Variants in PTK7 observed in about 807,000 individuals in gnomAD.
PTK7 encodes protein tyrosine kinase 7 (inactive), also known as inactive tyrosine-protein kinase 7.
In PTK7, 39 loss-of-function variants were observed where a neutral mutation model predicts 116.6. That is an observed-to-expected ratio of 0.33 (90% CI 0.26 to 0.44). The LOEUF is 0.44. Among genes scored for constraint, PTK7 ranks in the 20% least tolerant of loss-of-function variants. PTK7 has a pLI of 1.00. For missense variants in PTK7, 1,169 were observed against 1,425.6 expected, an observed-to-expected ratio of 0.82 and a Z score of 2.90; for synonymous variants, 546 against 563.6, an observed-to-expected ratio of 0.97 and a Z score of 0.44.
chr6:43,093,425 G>A (rs951861421), intron 1 of PTK7, among the ~76,000 whole-genome samples: 1 of 152,070 alleles, frequency 6.6e-6, no homozygotes, highest in Non-Finnish European at 1.5e-5. Flanking sequence ...TGGATTGCTG[G>A]TAGGTGAATC....
chr6:43,123,823 C>G (rs1451093928), intron 1 of PTK7, among the ~76,000 whole-genome samples: 1 of 152,136 alleles, frequency 6.6e-6, no homozygotes, highest in African/African-American at 2.4e-5. Context: ...AGGCTCATAC[C>G]GGGGAAGCAG....
chr6:43,148,824 G>A (rs1770876341), intron 17 of PTK7, among the ~76,000 whole-genome samples: 2 of 152,006 alleles, frequency 1.3e-5, no homozygotes, highest in South Asian at 4.2e-4. Context: ...ACTTTGGGAG[G>A]CCGAGGCGGG....
At chr6:43,088,395 A>G (rs7740549) in intron 1 of PTK7, among the ~76,000 whole-genome samples, 1,713 of 151,900 alleles carry the variant, frequency 0.011, 37 homozygotes, top group African/African-American at 0.039. Flanking sequence ...TTACTGTGCT[A>G]TGATATGCTG....
chr6:43,152,130 G>T (rs1771149541), intron 17 of PTK7, among the ~76,000 whole-genome samples: 1 of 151,756 alleles, frequency 6.6e-6, no homozygotes, highest in South Asian at 2.1e-4. Flanking sequence ...GCTCAAAGAC[G>T]TGAGCCACTG....
intron 1 of PTK7, among the ~76,000 whole-genome samples, chr6:43,119,376 C>T (rs914928423): frequency 1.3e-5 from 2 of 152,162 alleles, no homozygotes; most frequent in Non-Finnish European, 2.9e-5. Flanking sequence ...ACAACCAGTC[C>T]AAGGTAGTGG....
chr6:43,157,370 T>A lies in PTK7; in HGVS notation c.2722-1447T>A, dbSNP rs1160248213. On this transcript the variant is annotated intron_variant, in intron 17 of 19. Transcript: ENST00000230419. The stretch of plus-strand genomic sequence containing the variant: ...TATATATATATATATATATATTTTT[T>A]TTTTTCTTTTTTTTTTTTTTTTTTT... Among the ~76,000 whole-genome samples, 258 of 66,600 alleles carry A rather than the reference T, an allele frequency of 3.9e-3. 7 individuals are homozygous for A. The highest frequency in any genetic ancestry group is 0.013 in the African/African-American group (206 of 16,110). The allele number at this position is 66,600 out of a possible 152,430, so 43.7% of individuals were successfully genotyped here. A position where few individuals can be genotyped will look rare whatever the true frequency, so the allele number is the denominator to read the frequency against.
chr6:43,116,863 G>A (rs1768581169), intron 1 of PTK7, among the ~76,000 whole-genome samples: 4 of 152,126 alleles, frequency 2.6e-5, no homozygotes, highest in East Asian at 1.9e-4. Flanking sequence ...TCGCTGTATC[G>A]CCCAGGCTGG....
intron 1 of PTK7, among the ~76,000 whole-genome samples, chr6:43,127,078 C>T (rs1249349030): frequency 1.3e-5 from 2 of 152,194 alleles, no homozygotes; most frequent in African/African-American, 4.8e-5. Context: ...ATTCTCATGC[C>T]ATAAAGAACA....
At position 43,116,182 on chromosome 6, in the gene PTK7, C is replaced by T. The variant is rs1582124305; in HGVS notation, c.80-12795C>T. On this transcript the variant is annotated intron_variant, in intron 1 of 19. Coordinates refer to ENST00000230419, the MANE Select transcript of PTK7 (RefSeq NM_002821.5). ...CCTCCCCAGAAAGAAGGGTTGGTTT[C>T]CAGAAACAGCTGCTGCCTAGATAGG... is the stretch of plus-strand genomic sequence containing the variant. Among the ~76,000 whole-genome samples the T allele has an allele frequency of 1.3e-5, 2 of 152,104 alleles. 1 individual carries two copies. Among genetic ancestry groups the T allele is most frequent in the South Asian group, 4.1e-4 (2 of 4,832 alleles).
At chr6:43,125,062 G>T (rs1227904535) in intron 1 of PTK7, among the ~76,000 whole-genome samples, 1 of 152,144 alleles carries the variant, frequency 6.6e-6, no homozygotes, top group East Asian at 1.9e-4. Flanking sequence ...ATTCCAGCTA[G>T]TTGGGAGGCT....
chr6:43,146,695 G>A lies in PTK7; in HGVS notation c.2718G>A (p.Gln906=), dbSNP rs754815616. 14 of 1,612,480 alleles carry A rather than the reference G, an allele frequency of 8.7e-6. No homozygotes were observed. The highest frequency in any genetic ancestry group is 1.2e-5 in the Non-Finnish European group (14 of 1,179,772). The part of the protein sequence containing the change: ...KLKSQPLSTK[Q]KVALCTQVAL... ...AGTCACAGCCCCTCAGCACCAAGCA[G>A]AAGGTGAGGACAGGGAGTGAAGGAG... The change falls in exon 17 of 20, where the codon CAG becomes CAA. Residue 906 remains glutamine (Q), a synonymous_variant. Coordinates refer to ENST00000230419, the MANE Select transcript of PTK7 (RefSeq NM_002821.5).
rs765134991 is a variant in PTK7 at position 43,129,291 on chromosome 6, T to TC, written c.367+32dup. On this transcript the variant is annotated intron_variant, in intron 2 of 19. Coordinates refer to ENST00000230419, the MANE Select transcript of PTK7 (RefSeq NM_002821.5). The surrounding 1 kb of genome is among the most constrained non-coding windows in gnomAD (Gnocchi z 4.5). ...TGAGAGCCAGGGGGGCTGTGCCCAGTCCCCCTGTCAGACCCTCAATGACTG... is the reference window on the plus strand; with the variant it reads ...TGAGAGCCAGGGGGGCTGTGCCCAGTCCCCCCTGTCAGACCCTCAATGACTG... 1 of 1,612,414 alleles carries TC rather than the reference T, an allele frequency of 6.2e-7. No homozygotes were observed. Among genetic ancestry groups the TC allele is most frequent in the East Asian group, 2.2e-5 (1 of 44,864 alleles).
intron 1 of PTK7, among the ~76,000 whole-genome samples, chr6:43,099,235 C>CTTTTT (rs11375658): frequency 1.2e-4 from 16 of 137,018 alleles, no homozygotes; most frequent in African/African-American, 3.0e-4. Flanking sequence ...ACTATTTTTC[C>CTTTTT]TTTTTTTTTT....
intron 17 of PTK7, 97 bp downstream of exon 17, chr6:43,146,795 C>A: frequency 9.5e-7 from 1 of 1,054,958 alleles, no homozygotes; most frequent in Admixed American, 1.9e-5. Flanking sequence ...ATGGGCCAGG[C>A]CCTATGGTAA....
chr6:43,094,584 C>T (rs1767135825), intron 1 of PTK7, among the ~76,000 whole-genome samples: 1 of 151,814 alleles, frequency 6.6e-6, no homozygotes, highest in African/African-American at 2.4e-5. Flanking sequence ...CCTGCCTCAG[C>T]CTCCCGAGTA....
chr6:43,149,493 A>T (rs998875290), intron 17 of PTK7, among the ~76,000 whole-genome samples: 1 of 152,350 alleles, frequency 6.6e-6, no homozygotes, highest in East Asian at 1.9e-4. Flanking sequence ...TAAGCTCATT[A>T]AAGTTCAAGG....
At chr6:43,159,049 T>G in intron 18 of PTK7, 81 bp downstream of exon 18, 1 of 1,553,570 alleles carries the variant, frequency 6.4e-7, no homozygotes, top group African/African-American at 1.4e-5. Context: ...TTGGGGGGTG[T>G]GGGAAAGGGT....
intron 18 of PTK7, 59 bp downstream of exon 18, chr6:43,159,027 A>G: frequency 1.3e-6 from 2 of 1,594,692 alleles, no homozygotes; most frequent in Non-Finnish European, 1.7e-6. Flanking sequence ...TGAGGGGCAG[A>G]GGACAGATAG....
rs772242353 is a variant in PTK7, at chr6:43,158,983, G to A, written c.2873+15G>A. 4.7e-5 allele frequency: 76 copies of A among 1,612,426 alleles called. No homozygotes were observed. Among genetic ancestry groups the A allele is most frequent in the Middle Eastern group, 1.6e-4 (1 of 6,068 alleles). ...GTGTACAACAGGTAGAAGGGCATGCGTGGGGTGGGGGCTCCCCATTTTTTC... is the reference window on the plus strand; with the variant it reads ...GTGTACAACAGGTAGAAGGGCATGCATGGGGTGGGGGCTCCCCATTTTTTC... On this transcript the variant is annotated intron_variant, in intron 18 of 19. Coordinates refer to ENST00000230419, the MANE Select transcript of PTK7 (RefSeq NM_002821.5).
Sources: allele counts gnomAD v4.1 joint callset (sites outside exome capture counted in the v4.1 genomes callset), GRCh38; gene constraint gnomAD v4.1.1; non-coding constraint Gnocchi (gnomAD v3.1); transcripts MANE v1.5; gene names NCBI Gene and HGNC (gene_info 2026-07-23, HGNC 2026-07-21).